Variants in ZNF385D observed in about 807,000 individuals in gnomAD.
ZNF385D encodes the protein zinc finger protein 385D, also known as zinc finger protein 659.
Under a neutral mutation model 35.8 loss-of-function variants are expected in ZNF385D, and 15 were observed. That is an observed-to-expected ratio of 0.42 (90% confidence interval 0.28 to 0.64). The LOEUF is 0.64. Ranked by LOEUF, ZNF385D falls within the 30% of genes least tolerant of loss-of-function variation. The probability of loss-of-function intolerance (pLI) is 0.23; values close to 1 mark genes in which losing one functional copy is unlikely to be tolerated. For missense variants in ZNF385D, 474 were observed against 494.6 expected, an observed-to-expected ratio of 0.96 and a Z score of 0.39; for synonymous variants, 212 against 186.8, an observed-to-expected ratio of 1.13 and a Z score of -1.10.
At chr3:22,103,153 T>C (rs1016173641) in intron 3 of ZNF385D, among the ~76,000 whole-genome samples, 6 of 150,604 alleles carry the variant, frequency 4.0e-5, no homozygotes, top group Non-Finnish European at 7.4e-5. Context: ...TTTCTCAAGA[T>C]ACTGCGGTTG....
chr3:21,759,338 A>G (rs1199265928), intron 3 of ZNF385D, among the ~76,000 whole-genome samples: 1 of 149,994 alleles, frequency 6.7e-6, no homozygotes, highest in Non-Finnish European at 1.5e-5. Context: ...TGTGTCTGGG[A>G]GACCAAGGAC....
chr3:22,179,777 A>G (rs975453081), intron 2 of ZNF385D, among the ~76,000 whole-genome samples: 4 of 152,228 alleles, frequency 2.6e-5, no homozygotes, highest in African/African-American at 9.6e-5. Flanking sequence ...TCTGGGACAC[A>G]TTTAAAGCAG....
intron 2 of ZNF385D, among the ~76,000 whole-genome samples, chr3:21,605,873 C>T (rs911918980): frequency 1.3e-5 from 2 of 151,290 alleles, no homozygotes; most frequent in Non-Finnish European, 3.0e-5. Flanking sequence ...AAACAGCCCA[C>T]CTCTAATCCA....
At chr3:22,270,764 G>C (rs1009655555) in intron 2 of ZNF385D, among the ~76,000 whole-genome samples, 4 of 151,872 alleles carry the variant, frequency 2.6e-5, no homozygotes, top group Non-Finnish European at 5.9e-5. Context: ...AAGTCGTAGT[G>C]AATCTTACCC....
intron 3 of ZNF385D, among the ~76,000 whole-genome samples, chr3:22,167,772 T>A (rs1372255229): frequency 1.3e-5 from 2 of 152,214 alleles, no homozygotes; most frequent in Non-Finnish European, 2.9e-5. Context: ...AGTTCTCAAT[T>A]ACTTTCTGAC....
chr3:21,705,229 G>C (rs910552911), intron 1 of ZNF385D, among the ~76,000 whole-genome samples: 14 of 152,254 alleles, frequency 9.2e-5, no homozygotes, highest in African/African-American at 3.4e-4. Flanking sequence ...ATCAGTTTAA[G>C]AACTCTGACC....
At chr3:21,565,550 C>A (rs947737106) in intron 2 of ZNF385D, among the ~76,000 whole-genome samples, 7 of 89,562 alleles carry the variant, frequency 7.8e-5, no homozygotes, top group African/African-American at 4.7e-4. Flanking sequence ...AGCCCTTGAT[C>A]TTAATTCTTT....
At chr3:22,256,857 A>G (rs1267555183) in intron 2 of ZNF385D, among the ~76,000 whole-genome samples, 1 of 151,900 alleles carries the variant, frequency 6.6e-6, no homozygotes, top group Non-Finnish European at 1.5e-5. Flanking sequence ...CTCAGTGGAG[A>G]AGGATTTAAC....
In ZNF385D at chr3:22,061,055, G is replaced by A. The variant is rs150666953; in HGVS notation, c.325+107762C>T. ...GGTTTGTTGATTTCTCATTCTCTGAGGGCAGTATTAATATTACTAGAGCTC... is the reference window on the plus strand; with the variant it reads ...GGTTTGTTGATTTCTCATTCTCTGAAGGCAGTATTAATATTACTAGAGCTC... On this transcript the variant is annotated intron_variant, in intron 3 of 5. Coordinates refer to the ZNF385D transcript ENST00000494108. 4.3e-3 allele frequency among the ~76,000 whole-genome samples: 655 copies of A among 152,084 alleles called. 7 individuals carry two copies. Among genetic ancestry groups the A allele is most frequent in the South Asian group, 0.012 (59 of 4,818 alleles).
At chr3:22,329,828 A>G (rs1694852911) in intron 2 of ZNF385D, among the ~76,000 whole-genome samples, 1 of 152,226 alleles carries the variant, frequency 6.6e-6, no homozygotes, top group Admixed American at 6.5e-5. Context: ...CTTTAAACAT[A>G]TAATTGACAT....
At chr3:21,988,492 G>T (rs930340321) in intron 3 of ZNF385D, among the ~76,000 whole-genome samples, 1 of 142,162 alleles carries the variant, frequency 7.0e-6, no homozygotes. Context: ...GGGGTCAGGG[G>T]TCAGGGACCC....
At chr3:22,228,625 C>T (rs1378631395) in intron 2 of ZNF385D, among the ~76,000 whole-genome samples, 1 of 152,190 alleles carries the variant, frequency 6.6e-6, no homozygotes, top group Non-Finnish European at 1.5e-5. Flanking sequence ...TGAGTGTCAA[C>T]TCGATTGGTT....
intron 3 of ZNF385D, among the ~76,000 whole-genome samples, chr3:22,093,893 T>C (rs1701463355): frequency 6.6e-6 from 1 of 152,120 alleles, no homozygotes; most frequent in South Asian, 2.1e-4. Context: ...TAACACTTTA[T>C]AAATGAAGAC....
At chr3:21,684,352 G>A (rs2067011644) in intron 1 of ZNF385D, among the ~76,000 whole-genome samples, 1 of 106,722 alleles carries the variant, frequency 9.4e-6, no homozygotes, top group African/African-American at 3.8e-5. Flanking sequence ...AGCCATAAAT[G>A]GTTAACTGTT....
chr3:21,747,668 C>T (rs17620655), intron 1 of ZNF385D, among the ~76,000 whole-genome samples: 1 of 152,144 alleles, frequency 6.6e-6, no homozygotes, highest in Non-Finnish European at 1.5e-5. Context: ...CAACCTTCTG[C>T]CAGGCGCTGA....
At chr3:21,833,099 T>C (rs767417832) in intron 3 of ZNF385D, among the ~76,000 whole-genome samples, 2 of 152,172 alleles carry the variant, frequency 1.3e-5, no homozygotes, top group Non-Finnish European at 1.5e-5. Context: ...CGAATATTTA[T>C]TGAGTACCTA....
intron 3 of ZNF385D, among the ~76,000 whole-genome samples, chr3:21,879,587 A>T (rs1698168970): frequency 6.6e-6 from 1 of 152,020 alleles, no homozygotes; most frequent in South Asian, 2.1e-4. Flanking sequence ...AAGTCCTCAC[A>T]CATCCTAAAT....
chr3:22,106,491 G>C (rs1279991614), intron 3 of ZNF385D, among the ~76,000 whole-genome samples: 1 of 152,112 alleles, frequency 6.6e-6, no homozygotes, highest in Non-Finnish European at 1.5e-5. Flanking sequence ...TTAAATTTCA[G>C]TGAGTTACTG....
rs557389674 is a variant in ZNF385D, at chr3:21,412,714, G to A, written c.*8500C>T. The A allele has an allele frequency of 1.4e-5, 2 of 138,224 alleles. No homozygotes were observed. The highest frequency in any genetic ancestry group is 2.2e-4 in the South Asian group (1 of 4,522). The allele number at this position is 138,224 out of a possible 1,614,324, so 8.6% of individuals were successfully genotyped here. On this transcript the variant is annotated 3_prime_UTR_variant, in exon 8 of 8. Transcript: ENST00000281523. ...AGCTTTCATCCATAAAAATATCACT[G>A]GTGTCTTTCTTTTACTAAAACTGAA...
Sources: allele counts gnomAD v4.1 joint callset (sites outside exome capture counted in the v4.1 genomes callset), GRCh38; gene constraint gnomAD v4.1.1; transcripts MANE v1.5; gene names NCBI Gene and HGNC (gene_info 2026-07-23, HGNC 2026-07-21).